Variants in RELN observed in about 807,000 individuals in gnomAD.
RELN encodes reelin.
RELN carries 108 observed loss-of-function variants against 427.6 expected under a neutral mutation model. That is an observed-to-expected ratio of 0.25 (90% CI 0.22 to 0.30). The LOEUF (loss-of-function observed/expected upper bound fraction) is 0.30, where lower values mean the gene tolerates loss of function less well. Among genes scored for constraint, RELN ranks in the 10% least tolerant of loss-of-function variants. The pLI, the probability that RELN is intolerant of heterozygous loss-of-function variation, is 1.00. For synonymous variants in RELN, 1,524 were observed against 1,513.4 expected, an observed-to-expected ratio of 1.01 and a Z score of -0.16; for missense variants, 3,715 against 4,302.8, an observed-to-expected ratio of 0.86 and a Z score of 3.82.
At chr7:103,642,064 A>G (rs771393124) in intron 16 of RELN, among the ~76,000 whole-genome samples, 2 of 152,138 alleles carry the variant, frequency 1.3e-5, no homozygotes, top group Admixed American at 1.3e-4. Flanking sequence ...CTTTTTTCCT[A>G]AGAGTGTGAA....
chr7:103,862,186 A>C (rs962791824), intron 2 of RELN, among the ~76,000 whole-genome samples: 9 of 152,274 alleles, frequency 5.9e-5, no homozygotes, highest in African/African-American at 1.7e-4. Context: ...AAGATTATTC[A>C]GGTAGTACAG....
At chr7:103,911,542 G>C (rs1224461453) in intron 2 of RELN, among the ~76,000 whole-genome samples, 2 of 149,486 alleles carry the variant, frequency 1.3e-5, no homozygotes, top group East Asian at 4.1e-4. Flanking sequence ...CTGCTATAAA[G>C]ACACATGCAC....
chr7:103,674,477 TTC>T (rs1384440816), intron 11 of RELN, among the ~76,000 whole-genome samples: 1 of 152,170 alleles, frequency 6.6e-6, no homozygotes, highest in Non-Finnish European at 1.5e-5. Context: ...ATATCTGCTA[TTC>T]TCTCTTAGTT....
At chr7:103,523,607 AT>A (rs1562870692) in intron 46 of RELN, 76 bp from the exon 47 acceptor site, 1 of 1,420,036 alleles carries the variant, frequency 7.0e-7, no homozygotes, top group African/African-American at 1.4e-5. Context: ...GAACAAGTGC[AT>A]GGAGAAGTGT....
chr7:103,806,081 T>C (rs1311133867), intron 3 of RELN, among the ~76,000 whole-genome samples: 1 of 152,362 alleles, frequency 6.6e-6, no homozygotes, highest in East Asian at 1.9e-4. Context: ...AAATATAGTA[T>C]GTATTTTTAG....
chr7:103,823,070 C>T lies in RELN; in HGVS notation c.473+10467G>A, dbSNP rs1460463984. ...TATGTTTCCTTCAGCTTTGTCTACA[C>T]GCAAGTTATTTTGTTCTTAGGTAAT... On this transcript the variant is annotated intron_variant, in intron 3 of 64. Coordinates refer to ENST00000428762, the MANE Select transcript of RELN (RefSeq NM_005045.4). 3.3e-5 allele frequency among the ~76,000 whole-genome samples: 5 copies of T among 152,016 alleles called. 1 individual carries two copies. Among genetic ancestry groups the T allele is most frequent in the Admixed American group, 2.6e-4 (4 of 15,234 alleles).
intron 8 of RELN, among the ~76,000 whole-genome samples, chr7:103,707,257 A>G (rs1036043214): frequency 6.6e-6 from 1 of 152,184 alleles, no homozygotes; most frequent in Admixed American, 6.5e-5. Flanking sequence ...ATACACAAAG[A>G]TTAACCTTCT....
intron 2 of RELN, among the ~76,000 whole-genome samples, chr7:103,860,361 C>G (rs1794043745): frequency 6.6e-6 from 1 of 152,054 alleles, no homozygotes. Context: ...TGGAATAAGG[C>G]AGTAAATGAG....
chr7:103,651,902 A>AT (rs1832924320), intron 14 of RELN, 113 bp from the exon 15 acceptor site: 6 of 1,163,718 alleles, frequency 5.2e-6, no homozygotes, highest in East Asian at 5.2e-5. Flanking sequence ...ACAGTGTAAA[A>AT]TTTTTTAAAG....
In RELN at chr7:103,626,705, G is replaced by T. The variant is rs1434789304; in HGVS notation, c.2702+3235C>A. Among the ~76,000 whole-genome samples the T allele has an allele frequency of 6.6e-6, 1 of 152,020 alleles. No individual in the cohort carries two copies. Among genetic ancestry groups the T allele is most frequent in the Non-Finnish European group, 1.5e-5 (1 of 67,968 alleles). ...GACAGCAATTTCCTTCAAACCTGTT[G>T]TATCTAGCTGGTTTATTAGATGGGG... is the stretch of plus-strand genomic sequence containing the variant. On this transcript the variant is annotated intron_variant, in intron 20 of 64. Coordinates refer to ENST00000428762, the MANE Select transcript of RELN (RefSeq NM_005045.4). This position sits in a 1 kb window ranked among gnomAD's most constrained non-coding sequence, Gnocchi z 4.4.
chr7:103,836,991 G>A (rs576443389), intron 2 of RELN, among the ~76,000 whole-genome samples: 5 of 152,130 alleles, frequency 3.3e-5, no homozygotes, highest in South Asian at 4.2e-4. Context: ...GCTTTCCTTT[G>A]AAAGGACTCC....
chr7:103,564,587 A>T (rs968134691), intron 34 of RELN, among the ~76,000 whole-genome samples: 1 of 152,106 alleles, frequency 6.6e-6, no homozygotes, highest in Non-Finnish European at 1.5e-5. Flanking sequence ...TTTATCCCTT[A>T]TCTCTCCCCT....
chr7:103,921,086 G>A (rs1307864101), intron 1 of RELN, among the ~76,000 whole-genome samples: 1 of 152,172 alleles, frequency 6.6e-6, no homozygotes, highest in Non-Finnish European at 1.5e-5. Flanking sequence ...TATGAGCTAA[G>A]ACTTGTGTAA....
chr7:103,557,690 G>A (rs1830555645), intron 37 of RELN, among the ~76,000 whole-genome samples: 1 of 152,038 alleles, frequency 6.6e-6, no homozygotes, highest in African/African-American at 2.4e-5. Flanking sequence ...AGAAAGTAGT[G>A]GTGGAAAGAC....
At chr7:103,804,539 T>A (rs975495126) in intron 3 of RELN, among the ~76,000 whole-genome samples, 3 of 152,154 alleles carry the variant, frequency 2.0e-5, no homozygotes, top group African/African-American at 7.2e-5. Flanking sequence ...TACACACAGC[T>A]TCCAGGTTAG....
intron 5 of RELN, among the ~76,000 whole-genome samples, chr7:103,752,537 T>C (rs1251180378): frequency 6.8e-6 from 1 of 147,400 alleles, no homozygotes; most frequent in Non-Finnish European, 1.5e-5. Flanking sequence ...GCCCCCAAAG[T>C]AACTAGGACT....
At chr7:103,537,828 C>T (rs1830088633) in intron 45 of RELN, among the ~76,000 whole-genome samples, 1 of 152,198 alleles carries the variant, frequency 6.6e-6, no homozygotes, top group African/African-American at 2.4e-5. Context: ...GGGGCCCTTT[C>T]TTTTCCATCC....
intron 1 of RELN, among the ~76,000 whole-genome samples, chr7:103,932,760 T>C (rs1477984171): frequency 6.6e-6 from 1 of 152,112 alleles, no homozygotes; most frequent in Admixed American, 6.5e-5. Flanking sequence ...CAGGTAAAAC[T>C]TTGGGAAATG....
intron 1 of RELN, among the ~76,000 whole-genome samples, chr7:103,957,148 T>A (rs1796449661): frequency 6.6e-6 from 1 of 152,168 alleles, no homozygotes; most frequent in African/African-American, 2.4e-5. Flanking sequence ...GAAATATTAA[T>A]GGAACTCATT....
Sources: gnomAD v4.1 joint callset for allele counts (sites outside exome capture counted in the v4.1 genomes callset) on GRCh38, gnomAD v4.1.1 for gene constraint, Gnocchi (gnomAD v3.1) non-coding constraint, MANE v1.5 for transcripts, NCBI Gene and HGNC (gene_info 2026-07-23, HGNC 2026-07-21) for gene names.